Variants in OLFM3 observed in about 807,000 individuals in gnomAD.
OLFM3 encodes the protein olfactomedin 3, also known as noelin-3.
OLFM3 carries 20 observed loss-of-function variants against 48.6 expected under a neutral mutation model. The observed-to-expected ratio is 0.41, with a 90% CI of 0.29 to 0.60. The LOEUF is 0.60. Among genes scored for constraint, OLFM3 ranks in the 20% least tolerant of loss-of-function variants. The probability of loss-of-function intolerance (pLI) is 0.28; values close to 1 mark genes in which losing one functional copy is unlikely to be tolerated. For missense variants in OLFM3, 437 were observed against 544.3 expected, an observed-to-expected ratio of 0.80 and a Z score of 1.96; for synonymous variants, 222 against 198.1, an observed-to-expected ratio of 1.12 and a Z score of -1.01.
intron 1 of OLFM3, among the ~76,000 whole-genome samples, chr1:101,936,558 T>C (rs1425686361): frequency 6.6e-6 from 1 of 152,224 alleles, no homozygotes; most frequent in East Asian, 1.9e-4. Flanking sequence ...TTCAATGCTA[T>C]TCTTATCAAG....
rs375369846 is a variant in OLFM3 at position 101,922,726 on chromosome 1, TG to T, written c.69+74021del. ...CTCTACCCTAAAATGTGTTGTAACC[TG>T]GAACACCTAAAAATGTGTTGTTAAC... On this transcript the variant is annotated intron_variant, in intron 1 of 5. Transcript: ENST00000370103. Among the ~76,000 whole-genome samples the T allele has an allele frequency of 6.1e-3, 935 of 152,306 alleles. 11 individuals carry two copies. The highest frequency in any genetic ancestry group is 0.022 in the African/African-American group (894 of 41,556).
chr1:101,820,517 T>C (rs578169497), intron 4 of OLFM3, among the ~76,000 whole-genome samples: 2 of 152,242 alleles, frequency 1.3e-5, no homozygotes, highest in East Asian at 1.9e-4. Context: ...CCATCTTTCA[T>C]TGGAGTACAT....
intron 1 of OLFM3, among the ~76,000 whole-genome samples, chr1:101,924,712 A>G (rs1417010789): frequency 6.6e-6 from 1 of 152,118 alleles, no homozygotes; most frequent in African/African-American, 2.4e-5. Context: ...AATTCCCATA[A>G]TGGTTAATTT....
intron 1 of OLFM3, among the ~76,000 whole-genome samples, chr1:101,870,948 TA>T (rs576273484): frequency 0.011 from 1,715 of 151,102 alleles, 31 homozygotes; most frequent in African/African-American, 0.039. Context: ...ACTCTTTTTT[TA>T]AAAAGAAAAA....
chr1:101,948,038 C>A (rs1202066513), intron 1 of OLFM3, among the ~76,000 whole-genome samples: 1 of 151,808 alleles, frequency 6.6e-6, no homozygotes, highest in South Asian at 2.1e-4. Context: ...TCTGAAAATT[C>A]AAATGAAAAC....
At chr1:101,819,438 G>A (rs148778401) in intron 4 of OLFM3, among the ~76,000 whole-genome samples, 1 of 152,130 alleles carries the variant, frequency 6.6e-6, no homozygotes, top group African/African-American at 2.4e-5. Flanking sequence ...ATATTTTTTA[G>A]TGATGGAGAG....
chr1:101,992,597 A>G (rs961266701), intron 1 of OLFM3, among the ~76,000 whole-genome samples: 22 of 149,926 alleles, frequency 1.5e-4, no homozygotes, highest in African/African-American at 5.2e-4. Context: ...ATTTTAAAGC[A>G]AGTAGTAATC....
intron 1 of OLFM3, among the ~76,000 whole-genome samples, chr1:101,923,132 T>C (rs900792425): frequency 6.6e-6 from 1 of 152,222 alleles, no homozygotes; most frequent in Admixed American, 6.5e-5. Flanking sequence ...CAGGTGGTCT[T>C]ATCCAGCAGA....
At chr1:101,993,292 C>T (rs766662775) in intron 1 of OLFM3, among the ~76,000 whole-genome samples, 1 of 152,064 alleles carries the variant, frequency 6.6e-6, no homozygotes, top group African/African-American at 2.4e-5. Flanking sequence ...AAATAATGGT[C>T]CGCTAAAAAT....
intron 2 of OLFM3, among the ~76,000 whole-genome samples, chr1:101,831,165 T>A (rs1331487652): frequency 6.6e-6 from 1 of 152,222 alleles, no homozygotes; most frequent in Non-Finnish European, 1.5e-5. Flanking sequence ...CTGTTAAATG[T>A]CAAAATAAGT....
In OLFM3 at chr1:101,976,059, A is replaced by G. The variant is rs187062324; in HGVS notation, c.69+20689T>C. Among the ~76,000 whole-genome samples, 665 of 152,324 alleles carry G rather than the reference A, an allele frequency of 4.4e-3. 3 individuals are homozygous for G. Among genetic ancestry groups the G allele is most frequent in the African/African-American group, 0.016 (654 of 41,580 alleles). On this transcript the variant is annotated intron_variant, in intron 1 of 5. Transcript: ENST00000370103. ...TAAGCTCTTTGAATAATTAATAAGG[A>G]CAGAATACAAAAGAACCTAAGATTA...
chr1:101,817,600 TTTTA>T (rs1654398922), intron 4 of OLFM3, among the ~76,000 whole-genome samples: 1 of 152,062 alleles, frequency 6.6e-6, no homozygotes, highest in Admixed American at 6.6e-5. Context: ...CTGTCCTCTC[TTTTA>T]TTTGTTTACA....
intron 1 of OLFM3, among the ~76,000 whole-genome samples, chr1:101,852,298 G>A (rs1577717): frequency 0.29 from 44,704 of 151,820 alleles, 7,287 homozygotes; most frequent in Non-Finnish European, 0.38. Flanking sequence ...TCTCCACTCT[G>A]CTGACACTGC....
Position 101,806,085 on chromosome 1 carries a change from T to C in OLFM3, c.690A>G (p.Lys230=), listed in dbSNP as rs1653758603. ...TGTGGGAGAAACATACTCTGTTGTT[T>C]TTCTCAGATGCTAAAGGGTCTGTCA... ...AWMTDPLASE[K]NNRVWYMDSY... is the part of the protein sequence containing the mutation. The change falls in exon 5 of 6, where the codon AAA becomes AAG. Residue 230 remains lysine (K), a synonymous_variant. Coordinates refer to ENST00000370103, the MANE Select transcript of OLFM3 (RefSeq NM_058170.4). 1 of 1,611,052 alleles carries C rather than the reference T, an allele frequency of 6.2e-7. No individual in the cohort carries two copies. Among genetic ancestry groups the C allele is most frequent in the East Asian group, 2.2e-5 (1 of 44,800 alleles).
At chr1:101,944,799 G>C (rs1049055512) in intron 1 of OLFM3, among the ~76,000 whole-genome samples, 2 of 151,664 alleles carry the variant, frequency 1.3e-5, no homozygotes, top group Non-Finnish European at 2.9e-5. Context: ...AGAATTGCTT[G>C]AACCCAGAAG....
chr1:101,892,191 T>C (rs114395015), intron 1 of OLFM3, among the ~76,000 whole-genome samples: 3,307 of 152,142 alleles, frequency 0.022, 56 homozygotes, highest in Non-Finnish European at 0.033. Flanking sequence ...GTTAACACTA[T>C]ACAGGTGTGC....
intron 1 of OLFM3, among the ~76,000 whole-genome samples, chr1:101,916,154 A>G (rs1346478946): frequency 6.6e-6 from 1 of 152,130 alleles, no homozygotes; most frequent in Admixed American, 6.5e-5. Flanking sequence ...ATCTCCTAAT[A>G]ATAGTTATTG....
At chr1:101,918,841 T>C (rs1008535922) in intron 1 of OLFM3, among the ~76,000 whole-genome samples, 3 of 152,174 alleles carry the variant, frequency 2.0e-5, no homozygotes, top group African/African-American at 7.2e-5. Context: ...AAAAATCCAA[T>C]ATTTAAGTTG....
At chr1:101,835,212 T>C (rs978600211) in intron 2 of OLFM3, among the ~76,000 whole-genome samples, 2 of 152,194 alleles carry the variant, frequency 1.3e-5, no homozygotes, top group African/African-American at 4.8e-5. Flanking sequence ...GAAAGCAAAA[T>C]TGGATGTAAA....
Sources: allele counts gnomAD v4.1 joint callset (sites outside exome capture counted in the v4.1 genomes callset), GRCh38; gene constraint gnomAD v4.1.1; transcripts MANE v1.5; gene names NCBI Gene and HGNC (gene_info 2026-07-23, HGNC 2026-07-21).